SERINC5: variants seen among roughly 807,000 people sequenced by gnomAD.
SERINC5 encodes chromosome 5 open reading frame 12.
SERINC5 carries 41 observed loss-of-function variants against 63.1 expected under a neutral mutation model. The observed-to-expected ratio is 0.65, with a 90% CI of 0.51 to 0.84. The LOEUF (loss-of-function observed/expected upper bound fraction) is 0.84. Ranked by LOEUF, SERINC5 falls within the 40% of genes least tolerant of loss-of-function variation. The pLI is 0.00. For synonymous variants in SERINC5, 222 were observed against 215.2 expected, an observed-to-expected ratio of 1.03 and a Z score of -0.28; for missense variants, 523 against 573.0, an observed-to-expected ratio of 0.91 and a Z score of 0.89.
At position 80,140,675 on chromosome 5, in the gene SERINC5, TAGTCTCC is replaced by T. The variant is rs1745455014; in HGVS notation, c.*2981_*2987del. ...GAAGGCTTATAATGGAAATAGTCTCTAGTCTCCAGTCAGGTAACATGCCGCGGTATGA... is the reference window on the plus strand; with the variant it reads ...GAAGGCTTATAATGGAAATAGTCTCTAGTCAGGTAACATGCCGCGGTATGA... On this transcript the variant is annotated 3_prime_UTR_variant, in exon 12 of 12. Coordinates refer to ENST00000507668, the MANE Select transcript of SERINC5 (RefSeq NM_001174072.3). The T allele has an allele frequency of 1.0e-6, 1 of 985,194 alleles. No individual in the cohort carries two copies. The highest frequency in any genetic ancestry group is 6.2e-5 in the Admixed American group (1 of 16,260). The allele number at this position is 985,194 out of a possible 1,614,324, so 61.0% of individuals were successfully genotyped here. A position where few individuals can be genotyped will look rare whatever the true frequency, so the allele number is the denominator to read the frequency against.
chr5:80,131,599 G>T (rs748791358), intron 11 of SERINC5, among the ~76,000 whole-genome samples: 1 of 152,132 alleles, frequency 6.6e-6, no homozygotes, highest in Non-Finnish European at 1.5e-5. Context: ...GGAACAGAGT[G>T]GGCAAAGAGG....
intron 1 of SERINC5, among the ~76,000 whole-genome samples, chr5:80,229,247 C>CT (rs1751324223): frequency 6.6e-6 from 1 of 151,790 alleles, no homozygotes; most frequent in Admixed American, 6.6e-5. Flanking sequence ...TGGTCTCTAA[C>CT]TGCTGACCTC....
downstream of SERINC5, among the ~76,000 whole-genome samples, chr5:80,133,896 T>C (rs1052173939): frequency 7.9e-5 from 12 of 152,228 alleles, no homozygotes; most frequent in Middle Eastern, 3.4e-3. Flanking sequence ...TCACAGGGAG[T>C]TGAAGCTGTC....
intron 5 of SERINC5, among the ~76,000 whole-genome samples, chr5:80,171,328 T>C (rs559201642): frequency 6.6e-6 from 1 of 152,068 alleles, no homozygotes; most frequent in African/African-American, 2.4e-5. Flanking sequence ...ATAATAATAA[T>C]AAATAAACTT....
At chr5:80,155,028 C>T (rs759075258) in intron 8 of SERINC5, among the ~76,000 whole-genome samples, 5 of 152,090 alleles carry the variant, frequency 3.3e-5, no homozygotes, top group African/African-American at 7.2e-5. Flanking sequence ...AAAGGTTGCC[C>T]GAAGTTGGGA....
intron 1 of SERINC5, among the ~76,000 whole-genome samples, chr5:80,242,081 T>C (rs182239504): frequency 1.2e-4 from 18 of 152,028 alleles, no homozygotes; most frequent in African/African-American, 4.1e-4. Context: ...TAGTGAGCTG[T>C]GAACGTATCA....
intron 1 of SERINC5, among the ~76,000 whole-genome samples, chr5:80,244,297 C>A (rs1256512879): frequency 6.6e-6 from 1 of 151,194 alleles, no homozygotes; most frequent in Non-Finnish European, 1.5e-5. Context: ...CTCACTGCAA[C>A]CTCTGCCTCT....
chr5:80,117,653 A>AG (rs1279711027), intron 11 of SERINC5, among the ~76,000 whole-genome samples: 3 of 151,348 alleles, frequency 2.0e-5, no homozygotes, highest in Non-Finnish European at 4.4e-5. Flanking sequence ...AAAAAAAAAA[A>AG]AAAAAAGACC....
intron 11 of SERINC5, among the ~76,000 whole-genome samples, chr5:80,122,212 T>TATATATATATATATATAA (rs777568982): frequency 0.038 from 5,419 of 142,276 alleles, 180 homozygotes; most frequent in Non-Finnish European, 0.05. Context: ...TATATATATA[T>TATATATATATATATATAA]AATATGAGTT....
chr5:80,207,404 C>G (rs575706629), intron 1 of SERINC5, among the ~76,000 whole-genome samples: 1 of 152,124 alleles, frequency 6.6e-6, no homozygotes, highest in African/African-American at 2.4e-5. Context: ...TAAAACATTC[C>G]CACAGCTGAA....
chr5:80,230,561 C>G (rs1051585424), intron 1 of SERINC5, among the ~76,000 whole-genome samples: 1 of 151,010 alleles, frequency 6.6e-6, no homozygotes, highest in Non-Finnish European at 1.5e-5. Context: ...AATAATAATG[C>G]AACAACAGCC....
rs1319848772 is a variant in SERINC5, at chr5:80,141,337, G to A, written c.*2326C>T. 2.2e-5 allele frequency: 22 copies of A among 985,322 alleles called. No individual in the cohort carries two copies. Among genetic ancestry groups the A allele is most frequent in the Non-Finnish European group, 2.7e-5 (22 of 829,950 alleles). 61.0% of individuals were successfully genotyped at this position (985,322 alleles called of 1,614,324 possible). Reference sequence around the variant, plus strand: ...CTGGCTCCAGAAGGAAGCGACGAGGGCCTTCTACCGGCCACACTCCCTTGC... The same window carrying A: ...CTGGCTCCAGAAGGAAGCGACGAGGACCTTCTACCGGCCACACTCCCTTGC... On this transcript the variant is annotated 3_prime_UTR_variant, in exon 12 of 12. Coordinates refer to ENST00000507668, the MANE Select transcript of SERINC5 (RefSeq NM_001174072.3).
intron 7 of SERINC5, 35 bp from the exon 8 acceptor site, chr5:80,158,997 T>C: frequency 6.2e-7 from 1 of 1,611,208 alleles, no homozygotes; most frequent in Non-Finnish European, 8.5e-7. Flanking sequence ...CACAGTCAAG[T>C]ACAAAGGCCA....
chr5:80,212,803 G>A lies in SERINC5; in HGVS notation c.28-9750C>T, dbSNP rs1490175522. ...AAAAATTCCTCTGCTCAATAAAGGA[G>A]TGTTTTACTGAACAAACAGTGTAAC... On this transcript the variant is annotated intron_variant, in intron 1 of 11. Transcript: ENST00000507668. 3.9e-5 allele frequency among the ~76,000 whole-genome samples: 6 copies of A among 152,186 alleles called. No homozygotes were observed. In the East Asian group the frequency reaches 9.6e-4, roughly 24 times the overall value.
chr5:80,179,268 T>C (rs9293803), intron 2 of SERINC5, among the ~76,000 whole-genome samples: 17,394 of 152,180 alleles, frequency 0.11, 1,137 homozygotes, highest in South Asian at 0.18. Context: ...CACTGCACTC[T>C]AGCCTGGGCA....
chr5:80,194,750 G>A (rs1749400807), intron 2 of SERINC5, among the ~76,000 whole-genome samples: 1 of 152,148 alleles, frequency 6.6e-6, no homozygotes, highest in African/African-American at 2.4e-5. Flanking sequence ...AGAAAGCGGA[G>A]GAAGGATATG....
chr5:80,172,191 G>A (rs553053718), intron 5 of SERINC5, among the ~76,000 whole-genome samples: 5 of 152,128 alleles, frequency 3.3e-5, no homozygotes, highest in Non-Finnish European at 5.9e-5. Flanking sequence ...TTATCCGGGC[G>A]TGGTGGTGCA....
chr5:80,114,292 G>A (rs139176209), intron 11 of SERINC5, among the ~76,000 whole-genome samples: 1,994 of 152,048 alleles, frequency 0.013, 58 homozygotes, highest in African/African-American at 0.046. Context: ...AAGGTGAAGG[G>A]GAAGCAAGGC....
At position 80,141,630 on chromosome 5, in the gene SERINC5, G is replaced by C. The variant is rs529439558; in HGVS notation, c.*2033C>G. 1 of 985,536 alleles carries C rather than the reference G, an allele frequency of 1.0e-6. No homozygotes were observed. The highest frequency in any genetic ancestry group is 4.7e-5 in the South Asian group (1 of 21,286). The allele number at this position is 985,536 out of a possible 1,614,324, so 61.0% of individuals were successfully genotyped here. A position where few individuals can be genotyped will look rare whatever the true frequency, so the allele number is the denominator to read the frequency against. On this transcript the variant is annotated 3_prime_UTR_variant, in exon 12 of 12. Transcript: ENST00000507668. ...CCTAAAGACAACCCCCAAGGCCCTA[G>C]GCCACTGCAACACAGCTACTGTGTG...
Sources: allele counts gnomAD v4.1 joint callset (sites outside exome capture counted in the v4.1 genomes callset), GRCh38; gene constraint gnomAD v4.1.1; transcripts MANE v1.5; gene names NCBI Gene and HGNC (gene_info 2026-07-23, HGNC 2026-07-21).